Variants in COL22A1 observed in about 807,000 individuals in gnomAD.
COL22A1 encodes collagen type XXII alpha 1 chain.
In COL22A1, 221 loss-of-function variants were observed where a neutral mutation model predicts 248.9. That is an observed-to-expected ratio of 0.89 (90% CI 0.80 to 0.99). COL22A1 has a LOEUF of 0.99. Ranked by LOEUF, COL22A1 falls within the 50% of genes least tolerant of loss-of-function variation. The probability of loss-of-function intolerance (pLI) is 0.00; values close to 1 mark genes in which losing one functional copy is unlikely to be tolerated. For synonymous variants in COL22A1, 891 were observed against 793.4 expected, an observed-to-expected ratio of 1.12 and a Z score of -2.07; for missense variants, 2,240 against 2,179.0, an observed-to-expected ratio of 1.03 and a Z score of -0.56.
intron 47 of COL22A1, among the ~76,000 whole-genome samples, chr8:138,640,188 C>T (rs1446179136): frequency 6.6e-6 from 1 of 152,154 alleles, no homozygotes; most frequent in East Asian, 1.9e-4. Flanking sequence ...TTCTCTTCTA[C>T]CTTCGTGGAA....
Position 138,809,528 on chromosome 8 carries a change from C to CTTTTTTTTTTTTTTTTTTTTTTTTTT in COL22A1, c.1450-1717_1450-1716insAAAAAAAAAAAAAAAAAAAAAAAAAA, listed in dbSNP as rs71518485. The stretch of plus-strand genomic sequence containing the variant: ...TTTCTTCTTCTCTTTTTTTCTTTTT[C>CTTTTTTTTTTTTTTTTTTTTTTTTTT]TTTTTTTTTTGAGACAGAGTCTCAC... On this transcript the variant is annotated intron_variant, in intron 9 of 64. Coordinates refer to ENST00000303045, the MANE Select transcript of COL22A1 (RefSeq NM_152888.3). Among the ~76,000 whole-genome samples, 175 of 117,650 alleles carry CTTTTTTTTTTTTTTTTTTTTTTTTTT rather than the reference C, an allele frequency of 1.5e-3. 15 individuals are homozygous for CTTTTTTTTTTTTTTTTTTTTTTTTTT. Among genetic ancestry groups the CTTTTTTTTTTTTTTTTTTTTTTTTTT allele is most frequent in the Non-Finnish European group, 1.9e-3 (109 of 56,554 alleles). 77.2% of individuals were successfully genotyped at this position (117,650 alleles called of 152,430 possible).
chr8:138,797,401 G>A (rs183930995), intron 11 of COL22A1, among the ~76,000 whole-genome samples: 1 of 152,098 alleles, frequency 6.6e-6, no homozygotes, highest in African/African-American at 2.4e-5. Context: ...GTCTTTCCAA[G>A]GTTAATCCAT....
At chr8:138,886,307 G>A (rs1349529689) in intron 1 of COL22A1, among the ~76,000 whole-genome samples, 3 of 152,198 alleles carry the variant, frequency 2.0e-5, no homozygotes, top group African/African-American at 7.2e-5. Context: ...GTCTTTGAAA[G>A]CAGTGACTGC....
At chr8:138,751,916 C>T (rs368835133) in intron 21 of COL22A1, among the ~76,000 whole-genome samples, 35 of 152,308 alleles carry the variant, frequency 2.3e-4, no homozygotes, top group African/African-American at 7.2e-4. Context: ...TCTCAGGCAA[C>T]AGTGATATGC....
intron 41 of COL22A1, among the ~76,000 whole-genome samples, chr8:138,671,909 T>C (rs549821001): frequency 6.6e-6 from 1 of 152,254 alleles, no homozygotes; most frequent in East Asian, 1.9e-4. Flanking sequence ...TGTAAGAATA[T>C]AGTATATAAT....
intron 3 of COL22A1, among the ~76,000 whole-genome samples, chr8:138,865,649 GTGTGAGTGTGTGTATAGGTATGCC>G (rs1822816287): frequency 2.0e-5 from 3 of 151,128 alleles, no homozygotes; most frequent in African/African-American, 4.9e-5. Flanking sequence ...GTATGCTGGT[GTGTGAGTGTGTGTATAGGTATGCC>G]TGTGAGTGTA....
In COL22A1 at chr8:138,716,867, T is replaced by C; in HGVS notation, c.2358A>G (p.Gly786=). The change falls in exon 28 of 65, where the codon GGA becomes GGG. Residue 786 remains glycine (G), a splice_region_variant and synonymous_variant. Coordinates refer to ENST00000303045, the MANE Select transcript of COL22A1 (RefSeq NM_152888.3). ...DGLPGKPGLR[G]EIGEQGLAGR... Reference sequence around the variant, plus strand: ...CTGCCAGGCCCTGCTCCCCAATTTCTCCCTGAAAATGCAATAAAACATACC... The same window carrying C: ...CTGCCAGGCCCTGCTCCCCAATTTCCCCCTGAAAATGCAATAAAACATACC... 6.2e-7 allele frequency: 1 copy of C among 1,609,902 alleles called. No homozygotes were observed. Among genetic ancestry groups the C allele is most frequent in the Non-Finnish European group, 8.5e-7 (1 of 1,176,128 alleles).
At chr8:138,626,052 T>C in intron 51 of COL22A1, 138 bp downstream of exon 51, 1 of 645,504 alleles carries the variant, frequency 1.5e-6, no homozygotes, top group Non-Finnish European at 2.6e-6. Flanking sequence ...AGTGATTATT[T>C]TGTTTCTAAT....
intron 31 of COL22A1, 144 bp downstream of exon 31, chr8:138,703,162 T>C: frequency 1.5e-6 from 1 of 688,918 alleles, no homozygotes; most frequent in Non-Finnish European, 2.6e-6. Flanking sequence ...ATTTTTGGTT[T>C]GTAGGACCTA....
At chr8:138,751,412 A>T in intron 22 of COL22A1, 46 bp downstream of exon 22, 1 of 1,358,040 alleles carries the variant, frequency 7.4e-7, no homozygotes, top group Non-Finnish European at 1.0e-6. Flanking sequence ...AATAGGGACC[A>T]GTGTGGGTGA....
intron 22 of COL22A1, among the ~76,000 whole-genome samples, chr8:138,737,971 C>T (rs564966540): frequency 5.3e-5 from 8 of 152,200 alleles, no homozygotes; most frequent in African/African-American, 1.9e-4. Flanking sequence ...ATTGGTAAGC[C>T]TTACACACGC....
intron 23 of COL22A1, among the ~76,000 whole-genome samples, chr8:138,733,159 C>T (rs1044449439): frequency 6.6e-6 from 1 of 152,190 alleles, no homozygotes; most frequent in Non-Finnish European, 1.5e-5. Flanking sequence ...TCCACCAATT[C>T]AAGGGACTTT....
At chr8:138,745,878 C>G (rs565512659) in intron 22 of COL22A1, among the ~76,000 whole-genome samples, 7 of 152,190 alleles carry the variant, frequency 4.6e-5, no homozygotes, top group South Asian at 2.1e-4. Flanking sequence ...GATGACAGTG[C>G]TCCCTGATCA....
chr8:138,660,787 CACACACAG>C (rs1337943079), intron 43 of COL22A1, among the ~76,000 whole-genome samples: 157 of 140,330 alleles, frequency 1.1e-3, no homozygotes, highest in East Asian at 4.5e-3. Flanking sequence ...CATGCACACA[CACACACAG>C]ACACACAGAC....
At position 138,693,604 on chromosome 8, in the gene COL22A1, T is replaced by C. The variant is rs983878386; in HGVS notation, c.2754+42A>G. The C allele has an allele frequency of 4.7e-5, 73 of 1,553,376 alleles. No homozygotes were observed. In the Admixed American group the frequency reaches 6.0e-4, roughly 13 times the overall value. ...GAGCAGACACTGGGCGGGGCCTCCC[T>C]CCGGGGCTCCCCCACGAGGCAGGCC... On this transcript the variant is annotated intron_variant, in intron 35 of 64. Transcript: ENST00000303045.
At chr8:138,805,838 G>A (rs559198448) in intron 10 of COL22A1, among the ~76,000 whole-genome samples, 42 of 149,802 alleles carry the variant, frequency 2.8e-4, no homozygotes, top group African/African-American at 8.6e-4. Context: ...TTTTGATGGT[G>A]TGTGTGTATG....
At chr8:138,757,142 A>G (rs73437376) in intron 18 of COL22A1, among the ~76,000 whole-genome samples, 8,824 of 152,258 alleles carry the variant, frequency 0.058, 296 homozygotes, top group African/African-American at 0.074. Context: ...GGACATGAGA[A>G]CATGAAGATC....
At chr8:138,736,083 C>G (rs1163435426) in intron 23 of COL22A1, among the ~76,000 whole-genome samples, 1 of 152,052 alleles carries the variant, frequency 6.6e-6, no homozygotes, top group Non-Finnish European at 1.5e-5. Flanking sequence ...TCTGTCTACC[C>G]CCTGTGCGCT....
intron 27 of COL22A1, among the ~76,000 whole-genome samples, 160 bp downstream of exon 27, chr8:138,720,579 G>A (rs769258404): frequency 6.6e-6 from 1 of 152,072 alleles, no homozygotes; most frequent in Non-Finnish European, 1.5e-5. Flanking sequence ...CATCCTGGTT[G>A]GAGCCCTTAA....
Sources: allele counts gnomAD v4.1 joint callset (sites outside exome capture counted in the v4.1 genomes callset), GRCh38; gene constraint gnomAD v4.1.1; transcripts MANE v1.5; gene names NCBI Gene and HGNC (gene_info 2026-07-23, HGNC 2026-07-21).